Variants in ATP11C observed in about 807,000 individuals in gnomAD.
ATP11C encodes phospholipid-transporting ATPase IG.
Under a neutral mutation model 97.4 loss-of-function variants are expected in ATP11C, and 36 were observed. That is an observed-to-expected ratio of 0.37 (90% CI 0.28 to 0.49). ATP11C has a LOEUF of 0.49. ATP11C is among the 20% of genes least tolerant of loss of function. The pLI, the probability that ATP11C is intolerant of heterozygous loss-of-function variation, is 0.98. For missense variants in ATP11C, 730 were observed against 824.6 expected (o/e 0.89, Z 1.40); for synonymous variants, 275 against 290.9 (o/e 0.95, Z 0.56).
chrX:139,903,634 A>AT (rs1003884164), intron 1 of ATP11C, among the ~76,000 whole-genome samples: 1 of 109,172 alleles, frequency 9.2e-6, no homozygotes, highest in Non-Finnish European at 1.9e-5. Context: ...TATAAAAAAA[A>AT]TTTTTTTAAG....
chrX:139,857,941 G>A (rs146951955), intron 1 of ATP11C, among the ~76,000 whole-genome samples: 5 of 112,386 alleles, frequency 4.4e-5, no homozygotes, highest in Admixed American at 2.8e-4. Flanking sequence ...CACTATGATG[G>A]TATTAAGAGG....
chrX:139,819,340 G>C lies in ATP11C; in HGVS notation c.235C>G (p.Gln79Glu). ...GTGGCTGTTTAAGGAGCTCTTACCT[G>C]TACAAGGAAGATTATGAGAAAATAA... ...NFYFLIIFLV[Q>E]VTVDTPTSPV... Residue 79 changes from glutamine (Q) to glutamate (E), a missense_variant and splice_region_variant, in exon 3 of 30, where the codon CAG becomes GAG. Physicochemically the swap from Gln to Glu is conservative, Grantham distance 29. Transcript: ENST00000682941. The C allele has an allele frequency of 9.3e-7, 1 of 1,073,532 alleles. No homozygotes were observed. The highest frequency in any genetic ancestry group is 1.3e-6 in the Non-Finnish European group (1 of 797,195). 88.5% of individuals were successfully genotyped at this position (1,073,532 alleles called of 1,213,427 possible).
intron 3 of ATP11C, among the ~76,000 whole-genome samples, chrX:139,817,677 C>A (rs767473819): frequency 4.5e-4 from 50 of 112,132 alleles, no homozygotes; most frequent in Non-Finnish European, 7.5e-4. Context: ...GGCAGGGAGT[C>A]TATTTAGGAG....
chrX:139,768,136 G>A, intron 20 of ATP11C, 124 bp downstream of exon 20: 1 of 466,229 alleles, frequency 2.1e-6, no homozygotes, highest in Non-Finnish European at 3.1e-6. Flanking sequence ...AGAAGCCTTG[G>A]AGGAAGAAAT....
At chrX:139,844,494 C>G (rs1030963939) in intron 1 of ATP11C, among the ~76,000 whole-genome samples, 3 of 112,340 alleles carry the variant, frequency 2.7e-5, no homozygotes, top group Admixed American at 9.4e-5. Context: ...TGGGAAGAAA[C>G]CTTCCATACT....
intron 1 of ATP11C, among the ~76,000 whole-genome samples, chrX:139,904,854 T>C (rs367844783): frequency 1.8e-5 from 2 of 111,811 alleles, no homozygotes; most frequent in African/African-American, 6.5e-5. Context: ...AGGCCAGAGA[T>C]ACTGTTGCAG....
At chrX:139,917,940 A>G (rs1198298746) in intron 1 of ATP11C, among the ~76,000 whole-genome samples, 7 of 87,475 alleles carry the variant, frequency 8.0e-5, no homozygotes, top group Non-Finnish European at 1.5e-4. Flanking sequence ...TGGGCAGCAG[A>G]GCCAGGCTTT....
At chrX:139,824,187 A>G (rs1481148324) in intron 2 of ATP11C, among the ~76,000 whole-genome samples, 1 of 110,242 alleles carries the variant, frequency 9.1e-6, no homozygotes, top group Non-Finnish European at 1.9e-5. Context: ...TTAAAGGAAA[A>G]AAACACACAA....
intron 1 of ATP11C, among the ~76,000 whole-genome samples, chrX:139,911,272 AAAGT>A (rs1435727030): frequency 1.8e-5 from 2 of 112,129 alleles, no homozygotes; most frequent in African/African-American, 6.5e-5. Context: ...AAGGACTCTT[AAAGT>A]TAGTATGAGA....
chrX:139,808,668 A>T (rs1027046012), intron 5 of ATP11C, among the ~76,000 whole-genome samples: 1 of 112,265 alleles, frequency 8.9e-6, no homozygotes, highest in African/African-American at 3.2e-5. Flanking sequence ...TTTCCATAGG[A>T]ACATTCACTT....
chrX:139,810,867 G>GT (rs61703129), intron 5 of ATP11C, among the ~76,000 whole-genome samples: 891 of 88,987 alleles, frequency 0.01, 6 homozygotes, highest in African/African-American at 0.016. Flanking sequence ...TAAATTCAGA[G>GT]TTTTTTTTTT....
intron 7 of ATP11C, among the ~76,000 whole-genome samples, chrX:139,801,795 C>T (rs1211855966): frequency 1.8e-5 from 2 of 111,639 alleles, no homozygotes; most frequent in Non-Finnish European, 3.8e-5. Flanking sequence ...AAGAAAGAGC[C>T]TATTTGCAAT....
intron 1 of ATP11C, 27 bp from the exon 2 acceptor site, chrX:139,826,850 C>T (rs761929709): frequency 2.5e-6 from 3 of 1,188,598 alleles, no homozygotes; most frequent in Admixed American, 2.2e-5. Flanking sequence ...GGAAAAAATT[C>T]AGTTTTTCAT....
intron 18 of ATP11C, among the ~76,000 whole-genome samples, chrX:139,779,782 T>A (rs1374234849): frequency 2.7e-5 from 3 of 110,453 alleles, no homozygotes; most frequent in Admixed American, 9.6e-5. Context: ...AAAGGATCAA[T>A]GAAACAAAAA....
intron 1 of ATP11C, among the ~76,000 whole-genome samples, chrX:139,883,204 T>C (rs990848207): frequency 2.7e-5 from 3 of 110,464 alleles, no homozygotes; most frequent in East Asian, 2.8e-4. Flanking sequence ...ACGAAGTAGC[T>C]CCTCAAGAGG....
At chrX:139,936,672 C>T (rs924448184), upstream of ATP11C, among the ~76,000 whole-genome samples, 1 of 111,256 alleles carries the variant, frequency 9.0e-6, no homozygotes, top group African/African-American at 3.3e-5. Flanking sequence ...ACTAATTACC[C>T]AGGAGCTCTT....
At chrX:139,893,557 T>A (rs1320840547) in intron 1 of ATP11C, among the ~76,000 whole-genome samples, 1 of 111,908 alleles carries the variant, frequency 8.9e-6, no homozygotes, top group Non-Finnish European at 1.9e-5. Flanking sequence ...TACATTTTTA[T>A]CTAATGTACC....
At chrX:139,904,643 T>C (rs1044853136) in intron 1 of ATP11C, among the ~76,000 whole-genome samples, 39 of 111,943 alleles carry the variant, frequency 3.5e-4, no homozygotes, top group Admixed American at 1.4e-3. Flanking sequence ...ATAAGAGAAG[T>C]ACAAGGTACT....
chrX:139,915,427 T>C (rs1461189981), intron 1 of ATP11C, among the ~76,000 whole-genome samples: 1 of 111,619 alleles, frequency 9.0e-6, no homozygotes, highest in East Asian at 2.8e-4. Flanking sequence ...CTCAGCACTT[T>C]GGGAGGCCGA....
Sources: allele counts gnomAD v4.1 joint callset (sites outside exome capture counted in the v4.1 genomes callset), GRCh38; gene constraint gnomAD v4.1.1; transcripts MANE v1.5; gene names NCBI Gene and HGNC (gene_info 2026-07-23, HGNC 2026-07-21).